The following MYZAP variants were observed in gnomAD, a reference collection of about 807,000 sequenced individuals.
The protein encoded by MYZAP is myocardial zonula adherens protein.
In MYZAP, 66 loss-of-function variants were observed where a neutral mutation model predicts 69.4. The observed-to-expected ratio is 0.95, with a 90% CI of 0.78 to 1.17. The LOEUF (loss-of-function observed/expected upper bound fraction) is 1.17, where lower values mean the gene tolerates loss of function less well. Ranked by LOEUF, MYZAP falls within the 50% of genes most tolerant of loss-of-function variation. MYZAP has a pLI of 0.00. For missense variants in MYZAP, 611 were observed against 556.2 expected (o/e 1.10, Z -0.99); for synonymous variants, 256 against 205.9 (o/e 1.24, Z -2.09).
At chr15:57,639,722 A>T (rs1217071653) in intron 10 of MYZAP, among the ~76,000 whole-genome samples, 177 bp downstream of exon 10, 1 of 152,198 alleles carries the variant, frequency 6.6e-6, no homozygotes, top group East Asian at 1.9e-4. Context: ...ACTGATGACG[A>T]TGATGCCCCT....
Position 57,625,886 on chromosome 15 carries a change from C to G in MYZAP, c.519C>G (p.Gly173=). 3.7e-6 allele frequency: 6 copies of G among 1,614,052 alleles called. No homozygotes were observed. The South Asian group carries it at 4.4e-5, about 12-fold the overall frequency. Residue 173 remains glycine (G), a synonymous_variant, in exon 5 of 13, where the codon GGC becomes GGG. Transcript: ENST00000267853. ...MNSALASDSI[G]LQKTLVDVTL... ...CAGCCTTGGCATCAGATTCCATTGG[C>G]CTGCAGGTACTCATCTGCTTACTGC... is the stretch of plus-strand genomic sequence containing the variant.
rs2036562876 is a variant in MYZAP at position 57,632,454 on chromosome 15, C to G, written c.699C>G (p.Ala233=). 6.2e-7 allele frequency: 1 copy of G among 1,614,116 alleles called. No individual in the cohort carries two copies. Among genetic ancestry groups the G allele is most frequent in the Non-Finnish European group, 8.5e-7 (1 of 1,180,002 alleles). Residue 233 remains alanine (A), a synonymous_variant, in exon 7 of 13, where the codon GCC becomes GCG. Coordinates refer to ENST00000267853, the MANE Select transcript of MYZAP (RefSeq NM_001018100.5). ...TGTAGGTGGAATCGTCCCAAGAAGC[C>G]AATGCTGAGGTGATGCGAGAGATGA... ...LKMKVESSQE[A]NAEVMREMTK...
In MYZAP at chr15:57,606,042, T is replaced by A. The variant is rs370319343; in HGVS notation, c.162+1687T>A. On this transcript the variant is annotated intron_variant, in intron 2 of 12. Coordinates refer to ENST00000267853, the MANE Select transcript of MYZAP (RefSeq NM_001018100.5). ...CTTTTTTTTATAGAACACTAGCTAA[T>A]AAGTTTAGAAAATCTTTGTTTTGTA... is the stretch of plus-strand genomic sequence containing the variant. Among the ~76,000 whole-genome samples, 306 of 152,290 alleles carry A rather than the reference T, an allele frequency of 2.0e-3. 1 individual carries two copies. The highest frequency in any genetic ancestry group is 6.9e-3 in the African/African-American group (288 of 41,554).
intron 6 of MYZAP, 25 bp from the exon 7 acceptor site, chr15:57,632,409 C>A (rs78291006): frequency 6.2e-7 from 1 of 1,613,488 alleles, no homozygotes; most frequent in South Asian, 1.1e-5. Context: ...CAAAAGCTGT[C>A]GTTCTGAAAT....
intron 2 of MYZAP, among the ~76,000 whole-genome samples, chr15:57,605,638 A>G (rs1413271708): frequency 6.6e-6 from 1 of 152,190 alleles, no homozygotes; most frequent in East Asian, 1.9e-4. Flanking sequence ...GGAAGTAGGG[A>G]GAAAAGCAAA....
intron 12 of MYZAP, among the ~76,000 whole-genome samples, chr15:57,681,983 G>A (rs554713453): frequency 1.3e-5 from 2 of 152,210 alleles, no homozygotes; most frequent in East Asian, 1.9e-4. Context: ...AAAGGGATTC[G>A]ACTCTTAGGC....
At chr15:57,632,149 C>T (rs2036543336) in intron 6 of MYZAP, among the ~76,000 whole-genome samples, 2 of 152,200 alleles carry the variant, frequency 1.3e-5, no homozygotes, top group South Asian at 2.1e-4. Flanking sequence ...GATGAGATTG[C>T]GTAGAGAAAT....
chr15:57,679,375 TTTC>T lies in MYZAP; in HGVS notation c.1304+4309_1304+4311del, dbSNP rs2039314304. Among the ~76,000 whole-genome samples, 1,098 of 115,064 alleles carry T rather than the reference TTTC, an allele frequency of 9.5e-3. 16 individuals are homozygous for T. The highest frequency in any genetic ancestry group is 0.033 in the African/African-American group (995 of 30,512). 75.5% of individuals were successfully genotyped at this position (115,064 alleles called of 152,430 possible). A position where few individuals can be genotyped will look rare whatever the true frequency, so the allele number is the denominator to read the frequency against. ...GTGTGTGTGTGTGTGTGTGTGTGTG[TTTC>T]TCTCTCTCTCTCTCTCTGTCTCCTC... is the stretch of plus-strand genomic sequence containing the variant. On this transcript the variant is annotated intron_variant, in intron 12 of 12. Transcript: ENST00000267853.
At chr15:57,609,946 GAC>G (rs140933741) in intron 2 of MYZAP, among the ~76,000 whole-genome samples, 3 of 151,726 alleles carry the variant, frequency 2.0e-5, no homozygotes, top group Non-Finnish European at 4.4e-5. Context: ...TATATGCAGG[GAC>G]ACACACACAC....
intron 2 of MYZAP, among the ~76,000 whole-genome samples, chr15:57,611,434 T>G (rs1256446205): frequency 6.6e-6 from 1 of 152,208 alleles, no homozygotes; most frequent in East Asian, 1.9e-4. Flanking sequence ...TTCCTGATTT[T>G]TTTTTCTCCC....
intron 11 of MYZAP, among the ~76,000 whole-genome samples, chr15:57,670,879 T>C (rs1284491238): frequency 2.0e-5 from 3 of 152,084 alleles, no homozygotes; most frequent in Non-Finnish European, 2.9e-5. Context: ...AGTCTTGCCA[T>C]GATATACGTT....
chr15:57,599,534 C>T lies in MYZAP; in HGVS notation c.76-4735C>T, dbSNP rs2034279954. The T allele has an allele frequency of 8.0e-6, 10 of 1,252,850 alleles. No homozygotes were observed. In the South Asian group the frequency reaches 1.1e-4, roughly 13 times the overall value. 77.6% of individuals were successfully genotyped at this position (1,252,850 alleles called of 1,614,324 possible). A position where few individuals can be genotyped will look rare whatever the true frequency, so the allele number is the denominator to read the frequency against. On this transcript the variant is annotated intron_variant, in intron 1 of 12. Transcript: ENST00000267853. ...TAGCAGTGGTGTTCAGGGTAGGATG[C>T]AGTTCTTCGCATTGTGCATAACACA...
chr15:57,626,491 C>G (rs2036144023), intron 5 of MYZAP, among the ~76,000 whole-genome samples: 1 of 152,208 alleles, frequency 6.6e-6, no homozygotes, highest in Admixed American at 6.5e-5. Context: ...TTTACAGGAG[C>G]TAACCCTTCA....
intron 1 of MYZAP, among the ~76,000 whole-genome samples, chr15:57,595,314 T>G (rs1166905140): frequency 6.6e-6 from 1 of 152,148 alleles, no homozygotes; most frequent in Non-Finnish European, 1.5e-5. Context: ...TTCAAACCAG[T>G]TGTGCACTAA....
chr15:57,597,245 A>G (rs1469786971), intron 1 of MYZAP, among the ~76,000 whole-genome samples: 1 of 152,210 alleles, frequency 6.6e-6, no homozygotes, highest in African/African-American at 2.4e-5. Context: ...TGGTTCAGTC[A>G]GTGGTTCTCA....
chr15:57,641,282 A>T (rs2037141466), intron 10 of MYZAP, among the ~76,000 whole-genome samples: 1 of 152,198 alleles, frequency 6.6e-6, no homozygotes, highest in Non-Finnish European at 1.5e-5. Flanking sequence ...TTTTCAAAGA[A>T]GTTTAGAATT....
At chr15:57,600,173 T>C (rs1038087718) in intron 1 of MYZAP, among the ~76,000 whole-genome samples, 29 of 152,206 alleles carry the variant, frequency 1.9e-4, no homozygotes, top group African/African-American at 6.8e-4. Flanking sequence ...CATTTGGCTA[T>C]CTTGTAAGGA....
intron 2 of MYZAP, among the ~76,000 whole-genome samples, chr15:57,612,153 C>T (rs2453097): frequency 0.065 from 9,902 of 152,254 alleles, 859 homozygotes; most frequent in African/African-American, 0.2. Context: ...GCTCTGTGCT[C>T]AGCAGTCCCA....
intron 10 of MYZAP, among the ~76,000 whole-genome samples, chr15:57,648,724 A>G (rs2140498159): frequency 6.6e-6 from 1 of 152,078 alleles, no homozygotes; most frequent in East Asian, 1.9e-4. Context: ...GATAAAAACA[A>G]AAATCCACGA....
Sources: gnomAD v4.1 joint callset for allele counts (sites outside exome capture counted in the v4.1 genomes callset) on GRCh38, gnomAD v4.1.1 for gene constraint, MANE v1.5 for transcripts, NCBI Gene and HGNC (gene_info 2026-07-23, HGNC 2026-07-21) for gene names.